The following SLC6A4 variants were observed in gnomAD, a reference collection of about 807,000 sequenced individuals.
The protein encoded by SLC6A4 is sodium-dependent serotonin transporter.
SLC6A4 carries 22 observed loss-of-function variants against 73.4 expected under a neutral mutation model. The ratio of observed to expected loss-of-function variants is 0.30; its 90% confidence interval spans 0.21 to 0.43. The LOEUF is 0.43. Among genes scored for constraint, SLC6A4 ranks in the 20% least tolerant of loss-of-function variants. The pLI is 1.00. For missense variants in SLC6A4, 593 were observed against 808.5 expected (o/e 0.73, Z 3.23); for synonymous variants, 270 against 315.5 (o/e 0.86, Z 1.53).
Position 30,197,046 on chromosome 17 carries a change from T to C in SLC6A4, c.*1410A>G, listed in dbSNP as rs997713966. On this transcript the variant is annotated 3_prime_UTR_variant, in exon 15 of 15. Coordinates refer to ENST00000650711, the MANE Select transcript of SLC6A4 (RefSeq NM_001045.6). ...AGGTGGCCAGATGATTAAGTCCTTT[T>C]GTCTCTGATGAGGATTTATTCCCCT... is the stretch of plus-strand genomic sequence containing the variant. 1 of 152,358 alleles carries C rather than the reference T, an allele frequency of 6.6e-6. No homozygotes were observed. Among genetic ancestry groups the C allele is most frequent in the African/African-American group, 2.4e-5 (1 of 41,456 alleles). The allele number at this position is 152,358 out of a possible 1,614,324, so 9.4% of individuals were successfully genotyped here. A position where few individuals can be genotyped will look rare whatever the true frequency, so the allele number is the denominator to read the frequency against.
At chr17:30,228,735 T>C (rs1187837269) in intron 1 of SLC6A4, among the ~76,000 whole-genome samples, 1 of 152,216 alleles carries the variant, frequency 6.6e-6, no homozygotes, top group Non-Finnish European at 1.5e-5. Flanking sequence ...CATAAGCTTC[T>C]ATCCACCTCC....
intron 1 of SLC6A4, among the ~76,000 whole-genome samples, chr17:30,230,122 A>AGAGGAGGAGGAGGAGGAGGAG (rs111715707): frequency 5.7e-5 from 7 of 123,654 alleles, no homozygotes; most frequent in African/African-American, 1.9e-4. Flanking sequence ...AGGAAGAGGA[A>AGAGGAGGAGGAGGAGGAGGAG]GAGGAGGAGG....
Position 30,212,854 on chromosome 17 carries a change from T to C in SLC6A4, c.1090A>G (p.Thr364Ala). 1 of 1,614,044 alleles carries C rather than the reference T, an allele frequency of 6.2e-7. No individual in the cohort carries two copies. Among genetic ancestry groups the C allele is most frequent in the Admixed American group, 1.7e-5 (1 of 60,014 alleles). ...CTCGTCATGCAGTTCACCACGCTGGTCACCAGGGCATCTCTGGAGGGGAAA... is the reference window on the plus strand; with the variant it reads ...CTCGTCATGCAGTTCACCACGCTGGCCACCAGGGCATCTCTGGAGGGGAAA... The part of the protein sequence containing the change: ...NNNCYQDALV[T>A]SVVNCMTSFV... The change falls in exon 9 of 15, where the codon ACC becomes GCC. Residue 364 changes from threonine (T) to alanine (A), a missense_variant. Thr to Ala is a moderately conservative substitution (Grantham distance 58). Coordinates refer to ENST00000650711, the MANE Select transcript of SLC6A4 (RefSeq NM_001045.6).
At chr17:30,222,316 C>A (rs531336721) in intron 2 of SLC6A4, among the ~76,000 whole-genome samples, 59 of 152,290 alleles carry the variant, frequency 3.9e-4, no homozygotes, top group African/African-American at 1.3e-3. Flanking sequence ...AAAACCAACA[C>A]AAATAGACAG....
intron 3 of SLC6A4, among the ~76,000 whole-genome samples, chr17:30,219,923 C>G: frequency 6.6e-6 from 1 of 152,184 alleles, no homozygotes; most frequent in Non-Finnish European, 1.5e-5. Context: ...CATGTGTTCT[C>G]GTGATGGCCT....
chr17:30,221,759 G>A lies in SLC6A4; in HGVS notation c.200C>T (p.Thr67Ile), dbSNP rs758918159. Reference protein sequence around the residue: ...DDTRHSIPATTTTLVAELHQG... With the variant: ...DDTRHSIPATITTLVAELHQG... Reference sequence around the variant, plus strand: ...ATGAAGCTCAGCCACTAGGGTGGTGGTGGTCGCTGGGATAGAGTGCCGTGT... The same window carrying A: ...ATGAAGCTCAGCCACTAGGGTGGTGATGGTCGCTGGGATAGAGTGCCGTGT... The change falls in exon 3 of 15, where the codon ACC becomes ATC. Residue 67 changes from threonine to isoleucine, a missense_variant. By Grantham distance (89) the Thr-to-Ile change is moderately conservative. Coordinates refer to ENST00000650711, the MANE Select transcript of SLC6A4 (RefSeq NM_001045.6). 1.2e-6 allele frequency: 2 copies of A among 1,614,198 alleles called. No homozygotes were observed.
intron 4 of SLC6A4, 110 bp from the exon 5 acceptor site, chr17:30,218,447 G>C (rs951033544): frequency 1.6e-5 from 13 of 816,520 alleles, no homozygotes; most frequent in Non-Finnish European, 2.0e-5. Flanking sequence ...AGGGGTACAC[G>C]TGGGTGCTGC....
At chr17:30,232,179 A>G (rs1447923662) in intron 1 of SLC6A4, among the ~76,000 whole-genome samples, 1 of 152,238 alleles carries the variant, frequency 6.6e-6, no homozygotes, top group African/African-American at 2.4e-5. Flanking sequence ...ACCAAAACCC[A>G]AGACGGCAAA....
At chr17:30,215,794 G>T in intron 7 of SLC6A4, 80 bp from the exon 8 acceptor site, 1 of 1,227,440 alleles carries the variant, frequency 8.1e-7, no homozygotes, top group Non-Finnish European at 1.2e-6. Context: ...CGCCACTCCT[G>T]CCTCCATGTG....
At chr17:30,198,646 C>T (rs1029422017) in intron 14 of SLC6A4, 116 bp from the exon 15 acceptor site, 13 of 576,132 alleles carry the variant, frequency 2.3e-5, no homozygotes, top group African/African-American at 1.3e-4. Flanking sequence ...CATCTAAGAG[C>T]GAGTTGGAAT....
chr17:30,199,581 A>T (rs1396719120), intron 14 of SLC6A4, among the ~76,000 whole-genome samples: 1 of 152,154 alleles, frequency 6.6e-6, no homozygotes, highest in East Asian at 1.9e-4. Context: ...TATAATTCAA[A>T]AAGTTCCAGT....
Position 30,221,916 on chromosome 17 carries a change from A to G in SLC6A4, c.43T>C (p.Cys15Arg). 3 of 1,614,076 alleles carry G rather than the reference A, an allele frequency of 1.9e-6. No homozygotes were observed. Among genetic ancestry groups the G allele is most frequent in the Non-Finnish European group, 1.7e-6 (2 of 1,180,018 alleles). The change falls in exon 3 of 15, where the codon TGT (cysteine) becomes CGT (arginine). Residue 15 changes from cysteine to arginine, a missense_variant. Transcript: ENST00000650711. ...TCCTGACAATCTTCTCCATCTTCAC[A>G]CGCTGATAGCTGCTTCTGAGAATTC... The part of the protein sequence containing the change: ...PLNSQKQLSA[C>R]EDGEDCQENG...
At chr17:30,208,180 C>A (rs1906266732) in intron 12 of SLC6A4, among the ~76,000 whole-genome samples, 1 of 152,200 alleles carries the variant, frequency 6.6e-6, no homozygotes, top group Non-Finnish European at 1.5e-5. Context: ...GGAAGAGACA[C>A]ACACCCCCTT....
chr17:30,209,088 A>T, intron 12 of SLC6A4, 55 bp downstream of exon 12: 2 of 1,236,982 alleles, frequency 1.6e-6, no homozygotes, highest in Non-Finnish European at 2.4e-6. Flanking sequence ...GCCCTTTGCT[A>T]CTGTGCTGGC....
rs13306794 is a variant in SLC6A4, at chr17:30,208,008, T to C, written c.1550-176A>G. Among the ~76,000 whole-genome samples the C allele has an allele frequency of 3.6e-4, 55 of 152,226 alleles. No individual in the cohort carries two copies. The East Asian group carries it at 0.01, about 28-fold the overall frequency. On this transcript the variant is annotated intron_variant, in intron 12 of 14. Transcript: ENST00000650711. ...ACAGGGTAGCTCTGGAATTTCTCTCTAGGAGGAGTACAGCGACAACAATCT... is the reference window on the plus strand; with the variant it reads ...ACAGGGTAGCTCTGGAATTTCTCTCCAGGAGGAGTACAGCGACAACAATCT...
intron 8 of SLC6A4, among the ~76,000 whole-genome samples, chr17:30,214,433 A>AAT: frequency 6.6e-6 from 1 of 150,534 alleles, no homozygotes; most frequent in Non-Finnish European, 1.5e-5. Context: ...AAAAAAAAAA[A>AAT]AAAAAAAAGA....
At chr17:30,218,678 T>A (rs912166906) in intron 4 of SLC6A4, 119 bp downstream of exon 4, 2 of 1,011,556 alleles carry the variant, frequency 2.0e-6, no homozygotes, top group Non-Finnish European at 3.0e-6. Context: ...ACTCAAGCAG[T>A]CTCCCAGGGA....
At position 30,195,695 on chromosome 17, in the gene SLC6A4, T is replaced by A. The variant is rs1905835379; in HGVS notation, c.*2761A>T. 1 of 152,122 alleles carries A rather than the reference T, an allele frequency of 6.6e-6. No individual in the cohort carries two copies. 9.4% of individuals were successfully genotyped at this position (152,122 alleles called of 1,614,324 possible). On this transcript the variant is annotated 3_prime_UTR_variant, in exon 15 of 15. Transcript: ENST00000650711. ...TAATGGCATTATCTGACCTTTAAAATATTATTATCATTAAAATTTAGAGAC... is the reference window on the plus strand; with the variant it reads ...TAATGGCATTATCTGACCTTTAAAAAATTATTATCATTAAAATTTAGAGAC...
chr17:30,224,313 G>C (rs373473836), intron 1 of SLC6A4, among the ~76,000 whole-genome samples: 2 of 152,042 alleles, frequency 1.3e-5, no homozygotes, highest in Admixed American at 1.3e-4. Flanking sequence ...CTGCCTCCCG[G>C]GTTCAAGCGA....
Sources: allele counts gnomAD v4.1 joint callset (sites outside exome capture counted in the v4.1 genomes callset), GRCh38; gene constraint gnomAD v4.1.1; transcripts MANE v1.5; gene names NCBI Gene and HGNC (gene_info 2026-07-23, HGNC 2026-07-21).